LYST: variants seen among roughly 807,000 people sequenced by gnomAD.
The protein encoded by LYST is lysosomal trafficking regulator, also known as lysosomal-trafficking regulator.
Under a neutral mutation model 413.6 loss-of-function variants are expected in LYST, and 192 were observed. That is an observed-to-expected ratio of 0.46 (90% confidence interval 0.41 to 0.52). The LOEUF (loss-of-function observed/expected upper bound fraction) is 0.52, where lower values mean the gene tolerates loss of function less well. Among genes scored for constraint, LYST ranks in the 20% least tolerant of loss-of-function variants. The pLI is 0.00. For missense variants in LYST, 3,815 were observed against 4,499.9 expected, an observed-to-expected ratio of 0.85 and a Z score of 4.35; for synonymous variants, 1,525 against 1,567.3, an observed-to-expected ratio of 0.97 and a Z score of 0.64.
chr1:235,767,690 T>G (rs186756681), intron 20 of LYST, among the ~76,000 whole-genome samples: 245 of 152,258 alleles, frequency 1.6e-3, no homozygotes, highest in Non-Finnish European at 2.9e-3. Flanking sequence ...GTTTCTGTCT[T>G]TGCTTTTGCT....
Position 235,758,971 on chromosome 1 carries a change from C to T in LYST, c.6881+1G>A. On this transcript the variant is annotated splice_donor_variant, in intron 23 of 52. Transcript: ENST00000389793. LOFTEE classifies it high-confidence loss of function. ...AGGAGTGTACAAAAACACATAAGTACCTGTGAGCACTTGCAGTTCGGTTGT... is the reference window on the plus strand; with the variant it reads ...AGGAGTGTACAAAAACACATAAGTATCTGTGAGCACTTGCAGTTCGGTTGT... 6.2e-7 allele frequency: 1 copy of T among 1,613,752 alleles called. No individual in the cohort carries two copies. Among genetic ancestry groups the T allele is most frequent in the Non-Finnish European group, 8.5e-7 (1 of 1,179,884 alleles).
At chr1:235,696,671 G>C (rs1021825024) in intron 46 of LYST, among the ~76,000 whole-genome samples, 17 of 152,152 alleles carry the variant, frequency 1.1e-4, no homozygotes, top group African/African-American at 3.4e-4. Flanking sequence ...TCAGGAATAC[G>C]TGTCTTTAAA....
rs1658253234 is a variant in LYST at position 235,664,208 on chromosome 1, T to C, written c.11196-153A>G. Among the ~76,000 whole-genome samples, 2 of 152,148 alleles carry C rather than the reference T, an allele frequency of 1.3e-5. No individual in the cohort carries two copies. Among genetic ancestry groups the C allele is most frequent in the African/African-American group, 4.8e-5 (2 of 41,426 alleles). ...CTAGGGAGTTTGCAGGGGGTAGATG[T>C]GGGAATAAGAGAACTTTTAACTTTG... is the stretch of plus-strand genomic sequence containing the variant. On this transcript the variant is annotated intron_variant, in intron 51 of 52. Transcript: ENST00000389793. This position sits in a 1 kb window ranked among gnomAD's most constrained non-coding sequence, Gnocchi z 4.5.
At chr1:235,863,005 G>C (rs918803501) in intron 1 of LYST, among the ~76,000 whole-genome samples, 4 of 152,088 alleles carry the variant, frequency 2.6e-5, no homozygotes, top group African/African-American at 7.2e-5. Flanking sequence ...TTTGTCTTTT[G>C]ACATTACAAA....
intron 1 of LYST, among the ~76,000 whole-genome samples, chr1:235,842,512 G>T (rs1458432458): frequency 6.6e-6 from 1 of 152,192 alleles, no homozygotes; most frequent in Admixed American, 6.5e-5. Flanking sequence ...TAATGACAGA[G>T]ATTTTGTCTG....
intron 10 of LYST, among the ~76,000 whole-genome samples, chr1:235,794,931 T>C (rs571243700): frequency 6.6e-6 from 1 of 152,138 alleles, no homozygotes; most frequent in Non-Finnish European, 1.5e-5. Context: ...TGAAAACTCA[T>C]AGCATTAAAG....
At position 235,664,065 on chromosome 1, in the gene LYST, A is replaced by G; in HGVS notation, c.11196-10T>C. 6.3e-7 allele frequency: 1 copy of G among 1,592,426 alleles called. No homozygotes were observed. The highest frequency in any genetic ancestry group is 8.6e-7 in the Non-Finnish European group (1 of 1,160,388). ...CCATGTGCTCCATAACCTAGAGGGGAAAAAAATCATCTAATTATGCAAACT... is the reference window on the plus strand; with the variant it reads ...CCATGTGCTCCATAACCTAGAGGGGGAAAAAATCATCTAATTATGCAAACT... On this transcript the variant is annotated splice_polypyrimidine_tract_variant and intron_variant, in intron 51 of 52. Transcript: ENST00000389793. The surrounding 1 kb of genome is among the most constrained non-coding windows in gnomAD (Gnocchi z 4.5).
intron 3 of LYST, among the ~76,000 whole-genome samples, chr1:235,823,539 T>C (rs1446966888): frequency 2.6e-5 from 4 of 152,258 alleles, no homozygotes; most frequent in South Asian, 4.1e-4. Flanking sequence ...CAGAATAAAA[T>C]TAAGACTTCT....
intron 31 of LYST, chr1:235,737,916 A>AAGCGTGGG: frequency 8.6e-7 from 1 of 1,163,406 alleles, no homozygotes; most frequent in Non-Finnish European, 1.1e-6. Context: ...GCTGCCGACG[A>AAGCGTGGG]GTCTGGATCT....
chr1:235,722,229 A>C (rs1300212853), intron 39 of LYST, among the ~76,000 whole-genome samples: 1 of 152,232 alleles, frequency 6.6e-6, no homozygotes, highest in Non-Finnish European at 1.5e-5. Context: ...GTACGAGATT[A>C]TCCAGGGCTT....
At chr1:235,695,156 T>C (rs181519419) in intron 46 of LYST, among the ~76,000 whole-genome samples, 5 of 152,370 alleles carry the variant, frequency 3.3e-5, no homozygotes, top group African/African-American at 4.8e-5. Context: ...AAGCATTTAT[T>C]AAGCACTTAG....
At chr1:235,758,827 T>C in intron 23 of LYST, 145 bp downstream of exon 23, 1 of 704,062 alleles carries the variant, frequency 1.4e-6, no homozygotes. Context: ...TATCTTTCTG[T>C]TTGTTATTAT....
At position 235,854,025 on chromosome 1, in the gene LYST, C is replaced by A. The variant is rs1390785582; in HGVS notation, c.-98+12818G>T. Among the ~76,000 whole-genome samples, 1 of 152,112 alleles carries A rather than the reference C, an allele frequency of 6.6e-6. No homozygotes were observed. The highest frequency in any genetic ancestry group is 1.5e-5 in the Non-Finnish European group (1 of 68,018). On this transcript the variant is annotated intron_variant, in intron 1 of 52. Transcript: ENST00000389793. This position sits in a 1 kb window ranked among gnomAD's most constrained non-coding sequence, Gnocchi z 4.1. ...GGTTCATCCAGGTAAATCATCTCCC[C>A]GGCTTTCTATCCCTGTTAGAAGGAA...
At chr1:235,822,734 T>A (rs540865489) in intron 3 of LYST, among the ~76,000 whole-genome samples, 2 of 152,328 alleles carry the variant, frequency 1.3e-5, no homozygotes, top group African/African-American at 4.8e-5. Flanking sequence ...TATTTCCCCA[T>A]CCCTTAAATC....
chr1:235,720,623 A>AT, intron 40 of LYST, 38 bp downstream of exon 40: 1 of 1,604,368 alleles, frequency 6.2e-7, no homozygotes, highest in Non-Finnish European at 8.5e-7. Context: ...CAACATATGG[A>AT]TGGATGAACC....
intron 3 of LYST, among the ~76,000 whole-genome samples, chr1:235,817,984 A>G (rs1036386231): frequency 7.9e-5 from 12 of 152,174 alleles, no homozygotes; most frequent in African/African-American, 2.9e-4. Context: ...AAGTTTTACA[A>G]TATTTTCTGT....
In LYST at chr1:235,712,723, T is replaced by C. The variant is rs991188735; in HGVS notation, c.9785-526A>G. ...GGGGTGCGTAGGTTACGGTGCATTGTTTTTTGGTGTTCTAACTCTGAGCTA... is the reference window on the plus strand; with the variant it reads ...GGGGTGCGTAGGTTACGGTGCATTGCTTTTTGGTGTTCTAACTCTGAGCTA... On this transcript the variant is annotated intron_variant, in intron 42 of 52. Transcript: ENST00000389793. 1.0e-5 allele frequency: 10 copies of C among 985,226 alleles called. No individual in the cohort carries two copies. In the African/African-American group the frequency reaches 1.4e-4, roughly 14 times the overall value. 61.0% of individuals were successfully genotyped at this position (985,226 alleles called of 1,614,324 possible).
intron 1 of LYST, among the ~76,000 whole-genome samples, chr1:235,843,458 T>A (rs1224372532): frequency 1.3e-5 from 2 of 152,166 alleles, no homozygotes; most frequent in African/African-American, 4.8e-5. Context: ...GCCTCTTCCA[T>A]AAACTACCCC....
chr1:235,724,970 T>C (rs918038139), intron 38 of LYST, among the ~76,000 whole-genome samples: 3 of 152,232 alleles, frequency 2.0e-5, no homozygotes, highest in Non-Finnish European at 2.9e-5. Context: ...TGTATGCACA[T>C]ACCCCAGTTT....
Sources: allele counts gnomAD v4.1 joint callset (sites outside exome capture counted in the v4.1 genomes callset), GRCh38; gene constraint gnomAD v4.1.1; non-coding constraint Gnocchi (gnomAD v3.1); transcripts MANE v1.5; gene names NCBI Gene and HGNC (gene_info 2026-07-23, HGNC 2026-07-21).